The following FBXL20 variants were observed in gnomAD, a reference collection of about 807,000 sequenced individuals.
The protein encoded by FBXL20 is F-box and leucine rich repeat protein 20, also known as F-box/LRR-repeat protein 20.
Under a neutral mutation model 64.0 loss-of-function variants are expected in FBXL20, and 11 were observed. The observed-to-expected ratio is 0.17, with a 90% CI of 0.11 to 0.28. FBXL20 has a LOEUF of 0.28. Among genes scored for constraint, FBXL20 ranks in the 10% least tolerant of loss-of-function variants. The pLI is 1.00. For synonymous variants in FBXL20, 184 were observed against 189.0 expected, an observed-to-expected ratio of 0.97 and a Z score of 0.22; for missense variants, 303 against 526.2, an observed-to-expected ratio of 0.58 and a Z score of 4.15.
In FBXL20 at chr17:39,259,413, C is replaced by T. The variant is rs561378357; in HGVS notation, c.*2047G>A. ...CATTAATGTCTCAAAGGACACCCCC[C>T]GCCAAAATCACCCTACTAAAAATCA... On this transcript the variant is annotated 3_prime_UTR_variant, in exon 15 of 15. Transcript: ENST00000264658. 52 of 152,296 alleles carry T rather than the reference C, an allele frequency of 3.4e-4. No homozygotes were observed. The highest frequency in any genetic ancestry group is 1.1e-3 in the African/African-American group (45 of 41,570). 9.4% of individuals were successfully genotyped at this position (152,296 alleles called of 1,614,324 possible).
intron 1 of FBXL20, among the ~76,000 whole-genome samples, chr17:39,391,728 A>G (rs983275774): frequency 2.0e-5 from 3 of 152,222 alleles, no homozygotes; most frequent in Non-Finnish European, 1.5e-5. Flanking sequence ...ACAAGATGAA[A>G]AAACATTCCA....
intron 1 of FBXL20, among the ~76,000 whole-genome samples, chr17:39,377,810 C>A (rs2047982775): frequency 6.6e-6 from 1 of 152,130 alleles, no homozygotes; most frequent in South Asian, 2.1e-4. Context: ...GCCTGCAAGT[C>A]CTGTCTTGAT....
At chr17:39,401,269 G>A in intron 1 of FBXL20, 92 bp downstream of exon 1, 5 of 1,600,284 alleles carry the variant, frequency 3.1e-6, no homozygotes, top group Non-Finnish European at 4.3e-6. Context: ...GACGGCGCCT[G>A]CCAGGGAGGA....
chr17:39,303,003 T>A (rs1051184477), intron 3 of FBXL20, among the ~76,000 whole-genome samples: 5 of 151,214 alleles, frequency 3.3e-5, no homozygotes, highest in Admixed American at 2.6e-4. Flanking sequence ...GCTCCGATTC[T>A]GCATTAACTG....
In FBXL20 at chr17:39,255,490, T is replaced by G. The variant is rs2046687107; in HGVS notation, c.*5970A>C. 4 of 151,790 alleles carry G rather than the reference T, an allele frequency of 2.6e-5. No homozygotes were observed. Among genetic ancestry groups the G allele is most frequent in the Admixed American group, 2.6e-4 (4 of 15,230 alleles). The allele number at this position is 151,790 out of a possible 1,614,324, so 9.4% of individuals were successfully genotyped here. ...GGTAGATGTGACTTGAGGGGGAAGC[T>G]GCAGAAGCCCATCATGCAAGAAACT... On this transcript the variant is annotated 3_prime_UTR_variant, in exon 15 of 15. Coordinates refer to ENST00000264658, the MANE Select transcript of FBXL20 (RefSeq NM_032875.3).
chr17:39,337,379 C>A (rs917039203), intron 2 of FBXL20, among the ~76,000 whole-genome samples: 1 of 152,110 alleles, frequency 6.6e-6, no homozygotes, highest in Admixed American at 6.5e-5. Context: ...CCCAAAGTGC[C>A]GAGATTGCAG....
chr17:39,264,455 G>A (rs923943379), intron 13 of FBXL20, 68 bp from the exon 14 acceptor site: 1 of 1,540,796 alleles, frequency 6.5e-7, no homozygotes, highest in African/African-American at 1.4e-5. Context: ...AGAGGCTTGT[G>A]TGAATTGGAA....
rs1026471157 is a variant in FBXL20, at chr17:39,316,715, G to A, written c.105-13076C>T. Among the ~76,000 whole-genome samples the A allele has an allele frequency of 1.2e-4, 19 of 152,372 alleles. 1 individual carries two copies. Among genetic ancestry groups the A allele is most frequent in the African/African-American group, 4.6e-4 (19 of 41,586 alleles). On this transcript the variant is annotated intron_variant, in intron 2 of 14. Coordinates refer to ENST00000264658, the MANE Select transcript of FBXL20 (RefSeq NM_032875.3). ...AAGAAGAATGGGACGGCTGGGCACG[G>A]TGGCTCACGCCTGTAATCCAAGCAC... is the stretch of plus-strand genomic sequence containing the variant.
intron 2 of FBXL20, among the ~76,000 whole-genome samples, chr17:39,327,715 T>A (rs915105742): frequency 9.2e-5 from 14 of 152,148 alleles, no homozygotes; most frequent in Admixed American, 3.9e-4. Flanking sequence ...TGTTTTGTTT[T>A]TTCAAGACGG....
chr17:39,361,012 G>A (rs1390509822), intron 1 of FBXL20, among the ~76,000 whole-genome samples: 3 of 152,054 alleles, frequency 2.0e-5, no homozygotes, highest in Non-Finnish European at 2.9e-5. Flanking sequence ...CTTGACACCC[G>A]TTCAGCCTTT....
At position 39,336,991 on chromosome 17, in the gene FBXL20, C is replaced by T. The variant is rs113128624; in HGVS notation, c.104+6189G>A. Among the ~76,000 whole-genome samples the T allele has an allele frequency of 1.5e-3, 227 of 152,050 alleles. 2 individuals carry two copies. Among genetic ancestry groups the T allele is most frequent in the Non-Finnish European group, 2.1e-3 (143 of 67,968 alleles). On this transcript the variant is annotated intron_variant, in intron 2 of 14. Transcript: ENST00000264658. ...CCTCCTCTCCCTCTCCCTCTCCCCA[C>T]GGTCTTCCTCTCCCTCTCTTTCCAC...
chr17:39,263,306 G>T (rs1348639721), intron 14 of FBXL20, among the ~76,000 whole-genome samples: 5 of 152,194 alleles, frequency 3.3e-5, no homozygotes, highest in African/African-American at 1.2e-4. Context: ...CTTGAGCTCA[G>T]GAGTTTGAAA....
chr17:39,349,266 A>T (rs1284933306), intron 1 of FBXL20, among the ~76,000 whole-genome samples: 1 of 148,780 alleles, frequency 6.7e-6, no homozygotes, highest in South Asian at 2.2e-4. Flanking sequence ...TAAATAAGCA[A>T]ATAAATAAAA....
chr17:39,330,509 G>A (rs1360131065), intron 2 of FBXL20, among the ~76,000 whole-genome samples: 3 of 152,110 alleles, frequency 2.0e-5, no homozygotes, highest in Non-Finnish European at 4.4e-5. Context: ...AGCTACTTGG[G>A]AGGCTGAGGC....
intron 1 of FBXL20, among the ~76,000 whole-genome samples, chr17:39,349,618 G>T (rs1220282694): frequency 6.6e-6 from 1 of 151,886 alleles, no homozygotes; most frequent in Admixed American, 6.6e-5. Context: ...TTCCACACCT[G>T]ACCTCTTGTG....
intron 1 of FBXL20, among the ~76,000 whole-genome samples, chr17:39,356,242 A>G (rs1486613183): frequency 1.3e-5 from 2 of 148,532 alleles, no homozygotes; most frequent in Middle Eastern, 3.5e-3. Context: ...AAAAAGTTTT[A>G]TAGTTTTAGC....
chr17:39,288,130 A>AT (rs960992166), intron 6 of FBXL20, among the ~76,000 whole-genome samples: 4 of 151,374 alleles, frequency 2.6e-5, no homozygotes, highest in Non-Finnish European at 4.4e-5. Flanking sequence ...CACCCAGCTA[A>AT]TTTTTTTTGT....
At chr17:39,281,217 T>TA (rs1261320593) in intron 9 of FBXL20, among the ~76,000 whole-genome samples, 172 bp downstream of exon 9, 2 of 152,192 alleles carry the variant, frequency 1.3e-5, no homozygotes, top group Non-Finnish European at 2.9e-5. Context: ...CCAAGGCCCC[T>TA]AGGAATGAGT....
intron 1 of FBXL20, among the ~76,000 whole-genome samples, chr17:39,344,938 TACTC>T (rs1040366987): frequency 1.3e-5 from 2 of 152,144 alleles, no homozygotes; most frequent in Non-Finnish European, 2.9e-5. Context: ...TTAATCAAAT[TACTC>T]ACAACGGATA....
Sources: gnomAD v4.1 joint callset for allele counts (sites outside exome capture counted in the v4.1 genomes callset) on GRCh38, gnomAD v4.1.1 for gene constraint, MANE v1.5 for transcripts, NCBI Gene and HGNC (gene_info 2026-07-23, HGNC 2026-07-21) for gene names.